The following NELL1 variants were observed in gnomAD, a reference collection of about 807,000 sequenced individuals.
NELL1 encodes the protein neural EGFL like 1.
A neutral mutation model predicts 107.4 loss-of-function variants in NELL1; 76 were observed. The observed-to-expected ratio is 0.71, with a 90% CI of 0.59 to 0.86. NELL1 has a LOEUF of 0.86. Ranked by LOEUF, NELL1 falls within the 40% of genes least tolerant of loss-of-function variation. The probability of loss-of-function intolerance (pLI) is 0.00; values close to 1 mark genes in which losing one functional copy is unlikely to be tolerated. For missense variants in NELL1, 1,024 were observed against 1,005.5 expected (o/e 1.02, Z -0.25); for synonymous variants, 353 against 341.2 (o/e 1.03, Z -0.38).
chr11:21,536,197 C>A (rs749274200), intron 16 of NELL1, among the ~76,000 whole-genome samples: 1 of 152,094 alleles, frequency 6.6e-6, no homozygotes, highest in Non-Finnish European at 1.5e-5. Flanking sequence ...TACAGATGAT[C>A]CTGTCACCAA....
Position 21,303,070 on chromosome 11 carries a change from CTCTATATCTATATCTATA to C in NELL1, c.1550-67753_1550-67736del, listed in dbSNP as rs3993104. Among the ~76,000 whole-genome samples, 638 of 147,610 alleles carry C rather than the reference CTCTATATCTATATCTATA, an allele frequency of 4.3e-3. 4 individuals carry two copies. The highest frequency in any genetic ancestry group is 0.01 in the Middle Eastern group (3 of 292). Reference sequence around the variant, plus strand: ...AGCAAGACCCCATATCTCTCTTTTGCTCTATATCTATATCTATATCTATATCTATATCTATATCTATAT... The same window carrying C: ...AGCAAGACCCCATATCTCTCTTTTGCTCTATATCTATATCTATATCTATAT... On this transcript the variant is annotated intron_variant, in intron 14 of 19. Coordinates refer to ENST00000357134, the MANE Select transcript of NELL1 (RefSeq NM_006157.5).
chr11:20,721,221 ATATATATTTTGTT>A (rs1393168017), intron 2 of NELL1, among the ~76,000 whole-genome samples: 69 of 98,488 alleles, frequency 7.0e-4, no homozygotes, highest in South Asian at 1.6e-3. Context: ...TTTTGTTTAT[ATATATATTTTGTT>A]TATATATATA....
intron 9 of NELL1, 142 bp downstream of exon 9, chr11:20,928,621 A>G: frequency 2.9e-6 from 2 of 693,354 alleles, no homozygotes; most frequent in Admixed American, 5.0e-5. Flanking sequence ...TATGGTAAGA[A>G]GAGCCACAAT....
intron 2 of NELL1, among the ~76,000 whole-genome samples, chr11:20,694,940 C>G (rs1854575672): frequency 1.3e-5 from 2 of 152,076 alleles, no homozygotes; most frequent in Middle Eastern, 6.8e-3. Flanking sequence ...AACGTTTCTT[C>G]ATTTACTTGT....
chr11:21,546,183 A>C (rs898141712), intron 16 of NELL1, among the ~76,000 whole-genome samples: 4 of 151,968 alleles, frequency 2.6e-5, no homozygotes, highest in African/African-American at 7.2e-5. Flanking sequence ...TCTGACTCTG[A>C]TTTAACTTAT....
intron 15 of NELL1, among the ~76,000 whole-genome samples, chr11:21,501,925 C>A (rs564875257): frequency 2.2e-4 from 34 of 152,316 alleles, no homozygotes; most frequent in Non-Finnish European, 3.4e-4. Flanking sequence ...TTAATCTGTT[C>A]TATTACCACC....
intron 13 of NELL1, among the ~76,000 whole-genome samples, chr11:21,114,355 A>G (rs1204883177): frequency 6.6e-6 from 1 of 152,006 alleles, no homozygotes; most frequent in Non-Finnish European, 1.5e-5. Flanking sequence ...GGGTGGTAGA[A>G]GATTCCAAGT....
At chr11:21,553,183 A>G (rs1856632099) in intron 16 of NELL1, among the ~76,000 whole-genome samples, 1 of 151,818 alleles carries the variant, frequency 6.6e-6, no homozygotes. Context: ...TCATCTGAGA[A>G]CTTGCTTGAG....
rs191056121 is a variant in NELL1, at chr11:21,232,503, C to T, written c.1549+3049C>T. 3.3e-3 allele frequency among the ~76,000 whole-genome samples: 506 copies of T among 152,172 alleles called. 1 individual carries two copies. Among genetic ancestry groups the T allele is most frequent in the Middle Eastern group, 0.021 (6 of 292 alleles). ...AGAAGAAAGAGGAGGAGGAGGTTGG[C>T]AGTTTATGGCCTTCTGCCTGAAATA... On this transcript the variant is annotated intron_variant, in intron 14 of 19. Coordinates refer to ENST00000357134, the MANE Select transcript of NELL1 (RefSeq NM_006157.5).
At chr11:20,995,434 C>T (rs926675499) in intron 12 of NELL1, among the ~76,000 whole-genome samples, 11 of 152,038 alleles carry the variant, frequency 7.2e-5, no homozygotes, top group South Asian at 2.1e-4. Flanking sequence ...AAAAATTAGC[C>T]GCACGTGGTG....
At chr11:20,693,871 T>C (rs913956766) in intron 2 of NELL1, among the ~76,000 whole-genome samples, 2 of 152,356 alleles carry the variant, frequency 1.3e-5, no homozygotes, top group South Asian at 4.1e-4. Context: ...GATAGTATCC[T>C]GCAGAGTGTT....
At chr11:20,958,128 C>G (rs1403357067) in intron 11 of NELL1, among the ~76,000 whole-genome samples, 1 of 151,830 alleles carries the variant, frequency 6.6e-6, no homozygotes, top group Non-Finnish European at 1.5e-5. Context: ...ACAAACAAAC[C>G]CCAACAAGGC....
intron 15 of NELL1, among the ~76,000 whole-genome samples, chr11:21,389,435 T>C (rs1851817518): frequency 6.6e-6 from 1 of 151,852 alleles, no homozygotes; most frequent in African/African-American, 2.4e-5. Flanking sequence ...TCAGTAAAAC[T>C]TTGGATTAGT....
chr11:21,028,291 G>A (rs1451797847), intron 12 of NELL1, among the ~76,000 whole-genome samples: 2 of 152,212 alleles, frequency 1.3e-5, no homozygotes, highest in East Asian at 3.9e-4. Context: ...CATGCAGCCA[G>A]GATTGAGAAC....
intron 13 of NELL1, among the ~76,000 whole-genome samples, chr11:21,126,328 G>A (rs115888747): frequency 2.2e-3 from 329 of 151,782 alleles, no homozygotes; most frequent in African/African-American, 7.5e-3. Flanking sequence ...ACGTAAGCAA[G>A]CACCTACTGT....
At chr11:20,904,852 A>G (rs1849958655) in intron 5 of NELL1, among the ~76,000 whole-genome samples, 1 of 151,462 alleles carries the variant, frequency 6.6e-6, no homozygotes, top group South Asian at 2.1e-4. Flanking sequence ...CTTTTGAGAC[A>G]GGGTCTCATT....
intron 15 of NELL1, among the ~76,000 whole-genome samples, chr11:21,421,714 G>T (rs553479650): frequency 6.6e-6 from 1 of 152,066 alleles, no homozygotes; most frequent in African/African-American, 2.4e-5. Context: ...AGAAAAAGGA[G>T]CAGAGAGATT....
At chr11:21,561,412 T>G (rs1443878092) in intron 17 of NELL1, among the ~76,000 whole-genome samples, 1 of 152,022 alleles carries the variant, frequency 6.6e-6, no homozygotes, top group Non-Finnish European at 1.5e-5. Flanking sequence ...TTTCCCACAC[T>G]CCAATCTAGG....
At chr11:20,828,193 A>G (rs1857926124) in intron 3 of NELL1, among the ~76,000 whole-genome samples, 1 of 151,388 alleles carries the variant, frequency 6.6e-6, no homozygotes, top group South Asian at 2.1e-4. Flanking sequence ...CAATGGGCAT[A>G]CTTTAAGGAT....
Sources: allele counts gnomAD v4.1 joint callset (sites outside exome capture counted in the v4.1 genomes callset), GRCh38; gene constraint gnomAD v4.1.1; transcripts MANE v1.5; gene names NCBI Gene and HGNC (gene_info 2026-07-23, HGNC 2026-07-21).